KIF4A: variants seen among roughly 807,000 people sequenced by gnomAD.
KIF4A encodes chromosome-associated kinesin KIF4A.
Under a neutral mutation model 105.9 loss-of-function variants are expected in KIF4A, and 7 were observed. That is an observed-to-expected ratio of 0.07 (90% CI 0.04 to 0.12). KIF4A has a LOEUF of 0.12. Among genes scored for constraint, KIF4A ranks in the 10% least tolerant of loss-of-function variants. The pLI is 1.00. For missense variants in KIF4A, 558 were observed against 929.2 expected, an observed-to-expected ratio of 0.60 and a Z score of 5.19; for synonymous variants, 281 against 331.3, an observed-to-expected ratio of 0.85 and a Z score of 1.65.
intron 15 of KIF4A, among the ~76,000 whole-genome samples, chrX:70,371,792 T>C (rs2086136499): frequency 9.6e-6 from 1 of 104,420 alleles, no homozygotes; most frequent in South Asian, 4.7e-4. Context: ...GTGGAGGGGC[T>C]CCTCACTTCT....
intron 18 of KIF4A, among the ~76,000 whole-genome samples, chrX:70,381,042 G>C (rs1286133539): frequency 9.0e-6 from 1 of 110,781 alleles, no homozygotes; most frequent in East Asian, 2.8e-4. Flanking sequence ...CCAACTACTT[G>C]AGAGGCTGAG....
chrX:70,357,828 C>T (rs1393664029), intron 15 of KIF4A, among the ~76,000 whole-genome samples: 1 of 111,292 alleles, frequency 9.0e-6, no homozygotes, highest in African/African-American at 3.3e-5. Flanking sequence ...CTTTCAGGAT[C>T]TTTTCATTGT....
intron 8 of KIF4A, among the ~76,000 whole-genome samples, chrX:70,329,916 T>C (rs1212807450): frequency 8.9e-6 from 1 of 111,771 alleles, no homozygotes; most frequent in Non-Finnish European, 1.9e-5. Flanking sequence ...TGTTTTAACC[T>C]GATTAACTGC....
rs1222065306 is a variant in KIF4A, at chrX:70,301,980, T to C, written c.597T>C (p.Thr199=). 2 of 1,210,265 alleles carry C rather than the reference T, an allele frequency of 1.7e-6. No individual in the cohort carries two copies. The highest frequency in any genetic ancestry group is 1.1e-6 in the Non-Finnish European group (1 of 895,213). ...SCLEQGNNSR[T]VASTAMNSQS... is the part of the protein sequence containing the mutation. ...TGGAACAGGGCAACAACTCTAGGACTGTGGCCTCCACGGCTATGAACTCCC... is the reference window on the plus strand; with the variant it reads ...TGGAACAGGGCAACAACTCTAGGACCGTGGCCTCCACGGCTATGAACTCCC... Residue 199 remains threonine, a synonymous_variant, in exon 6 of 31, where the codon ACT becomes ACC. Transcript: ENST00000374403.
intron 15 of KIF4A, among the ~76,000 whole-genome samples, chrX:70,366,215 A>AT (rs910211940): frequency 9.0e-6 from 1 of 110,622 alleles, no homozygotes; most frequent in East Asian, 2.8e-4. Context: ...GGATTCATTG[A>AT]TTTTTTTGAA....
intron 7 of KIF4A, among the ~76,000 whole-genome samples, chrX:70,313,221 C>T (rs778283143): frequency 2.0e-4 from 22 of 111,475 alleles, no homozygotes; most frequent in African/African-American, 6.8e-4. Flanking sequence ...TCATGACATA[C>T]GTCTTCTTAG....
chrX:70,297,410 A>G (rs987228719), intron 4 of KIF4A, among the ~76,000 whole-genome samples: 1 of 112,214 alleles, frequency 8.9e-6, no homozygotes, highest in Admixed American at 9.4e-5. Flanking sequence ...TGACATTGCC[A>G]TATAAAAGGT....
In KIF4A at chrX:70,402,641, G is replaced by A. The variant is rs781108070; in HGVS notation, c.2565G>A (p.Glu855=). The A allele has an allele frequency of 9.1e-6, 11 of 1,211,585 alleles. No homozygotes were observed. The highest frequency in any genetic ancestry group is 1.2e-5 in the Non-Finnish European group (11 of 895,341). The change falls in exon 23 of 31, where the codon GAG becomes GAA. Residue 855 remains glutamate, a synonymous_variant. Coordinates refer to ENST00000374403, the MANE Select transcript of KIF4A (RefSeq NM_012310.5). The stretch of plus-strand genomic sequence containing the variant: ...AAGACAGACCAAAACAACGCTGGGA[G>A]AATATTGCCACCATTCTGGAAGCCA... ...ESEDRPKQRW[E]NIATILEAKC...
At chrX:70,302,148 G>A in intron 6 of KIF4A, 82 bp downstream of exon 6, 2 of 1,120,508 alleles carry the variant, frequency 1.8e-6, no homozygotes, top group South Asian at 4.0e-5. Context: ...CAATTGATTT[G>A]ACAAATCATC....
intron 10 of KIF4A, among the ~76,000 whole-genome samples, chrX:70,337,989 G>A (rs1478240072): frequency 2.7e-5 from 3 of 110,829 alleles, no homozygotes; most frequent in African/African-American, 9.8e-5. Flanking sequence ...TTATATATTC[G>A]TGATATTAGC....
intron 22 of KIF4A, among the ~76,000 whole-genome samples, chrX:70,396,566 C>T (rs2086260242): frequency 9.0e-6 from 1 of 111,501 alleles, no homozygotes; most frequent in Non-Finnish European, 1.9e-5. Context: ...ACTAGAGAGT[C>T]AGGCACCATA....
At chrX:70,295,475 A>G (rs1330229432) in intron 3 of KIF4A, among the ~76,000 whole-genome samples, 1 of 110,788 alleles carries the variant, frequency 9.0e-6, no homozygotes, top group East Asian at 2.9e-4. Context: ...CGCCTGGCCA[A>G]TAAACTCAAA....
chrX:70,368,789 C>T (rs1375300001), intron 15 of KIF4A, among the ~76,000 whole-genome samples: 7 of 112,024 alleles, frequency 6.2e-5, no homozygotes, highest in Non-Finnish European at 1.1e-4. Flanking sequence ...CAGACAGGGA[C>T]ATTTAAGTCT....
rs370841216 is a variant in KIF4A, at chrX:70,296,228, G to C, written c.236-770G>C. 3.8e-3 allele frequency among the ~76,000 whole-genome samples: 406 copies of C among 107,888 alleles called. 3 individuals are homozygous for C. The highest frequency in any genetic ancestry group is 0.012 in the African/African-American group (359 of 29,609). 93.7% of individuals were successfully genotyped at this position (107,888 alleles called of 115,157 possible). A position where few individuals can be genotyped will look rare whatever the true frequency, so the allele number is the denominator to read the frequency against. ...GCCTCCAAAGTAGCTGGGATTATAGGCACCTGCCACCATGCCCTGTTAATT... is the reference window on the plus strand; with the variant it reads ...GCCTCCAAAGTAGCTGGGATTATAGCCACCTGCCACCATGCCCTGTTAATT... On this transcript the variant is annotated intron_variant, in intron 3 of 30. Coordinates refer to ENST00000374403, the MANE Select transcript of KIF4A (RefSeq NM_012310.5).
chrX:70,371,550 G>T (rs1314754174), intron 15 of KIF4A, among the ~76,000 whole-genome samples: 1 of 109,981 alleles, frequency 9.1e-6, no homozygotes, highest in Admixed American at 9.5e-5. Flanking sequence ...CAGTAGGGGC[G>T]GCCGGGCAGA....
At chrX:70,336,141 G>A (rs1463641283) in intron 10 of KIF4A, among the ~76,000 whole-genome samples, 3 of 111,625 alleles carry the variant, frequency 2.7e-5, no homozygotes, top group Non-Finnish European at 5.7e-5. Context: ...GCTTTGTTCA[G>A]TATTTCCTGG....
intron 18 of KIF4A, among the ~76,000 whole-genome samples, chrX:70,383,119 G>A: frequency 1.8e-5 from 2 of 108,814 alleles, no homozygotes. Context: ...TCCGGGAGGT[G>A]GAGGTTGTGG....
At position 70,349,163 on chromosome X, in the gene KIF4A, G is replaced by A. The variant is rs182959827; in HGVS notation, c.1432-3437G>A. Among the ~76,000 whole-genome samples the A allele has an allele frequency of 5.1e-3, 479 of 94,713 alleles. 4 individuals are homozygous for A. The highest frequency in any genetic ancestry group is 0.018 in the African/African-American group (446 of 24,843). 82.2% of individuals were successfully genotyped at this position (94,713 alleles called of 115,157 possible). A position where few individuals can be genotyped will look rare whatever the true frequency, so the allele number is the denominator to read the frequency against. ...ACTTCTCACATCCCAGACGATGGGC[G>A]GCCGGGCAGAGGCACTCCTCACTTC... On this transcript the variant is annotated intron_variant, in intron 13 of 30. Transcript: ENST00000374403.
intron 28 of KIF4A, among the ~76,000 whole-genome samples, chrX:70,414,243 GAT>G (rs1360286820): frequency 9.0e-6 from 1 of 111,506 alleles, no homozygotes; most frequent in African/African-American, 3.3e-5. Flanking sequence ...TTTGTAAAGT[GAT>G]ATATATTATT....
Sources: gnomAD v4.1 joint callset for allele counts (sites outside exome capture counted in the v4.1 genomes callset) on GRCh38, gnomAD v4.1.1 for gene constraint, MANE v1.5 for transcripts, NCBI Gene and HGNC (gene_info 2026-07-23, HGNC 2026-07-21) for gene names.